AGBL4: variants seen among roughly 807,000 people sequenced by gnomAD.
AGBL4 encodes AGBL carboxypeptidase 4.
Under a neutral mutation model 66.4 loss-of-function variants are expected in AGBL4, and 58 were observed. The observed-to-expected ratio is 0.87, with a 90% CI of 0.71 to 1.09. The LOEUF (loss-of-function observed/expected upper bound fraction) is 1.09, where lower values mean the gene tolerates loss of function less well. AGBL4 is among the 50% of genes least tolerant of loss of function. The pLI, the probability that AGBL4 is intolerant of heterozygous loss-of-function variation, is 0.00. For missense variants in AGBL4, 579 were observed against 631.0 expected (o/e 0.92, Z 0.88); for synonymous variants, 234 against 222.9 (o/e 1.05, Z -0.44).
At chr1:48,776,672 G>A (rs1645106620) in intron 6 of AGBL4, 12 of 1,500,092 alleles carry the variant, frequency 8.0e-6, no homozygotes, top group Admixed American at 4.7e-5. Flanking sequence ...GCGCGCGGGG[G>A]GCTCTCGGGC....
intron 4 of AGBL4, among the ~76,000 whole-genome samples, chr1:49,215,079 A>G (rs932368583): frequency 6.6e-6 from 1 of 152,104 alleles, no homozygotes; most frequent in South Asian, 2.1e-4. Flanking sequence ...TTCTACTTAT[A>G]TGTAGATTCA....
intron 3 of AGBL4, among the ~76,000 whole-genome samples, chr1:49,301,488 A>C (rs960322503): frequency 3.3e-5 from 5 of 152,218 alleles, no homozygotes; most frequent in African/African-American, 1.2e-4. Flanking sequence ...CCCTTCCCAA[A>C]GCTAACTCCC....
intron 6 of AGBL4, among the ~76,000 whole-genome samples, chr1:48,863,482 T>C (rs1647683466): frequency 6.6e-6 from 1 of 152,052 alleles, no homozygotes; most frequent in Non-Finnish European, 1.5e-5. Context: ...TTTTAAAAAT[T>C]TAATTGTTGC....
At chr1:49,012,568 T>C (rs989329959) in intron 5 of AGBL4, among the ~76,000 whole-genome samples, 3 of 150,870 alleles carry the variant, frequency 2.0e-5, no homozygotes, top group African/African-American at 7.3e-5. Flanking sequence ...AATAGGCCTA[T>C]TCCCAGAGAA....
intron 3 of AGBL4, among the ~76,000 whole-genome samples, chr1:49,629,944 C>G (rs1461764826): frequency 6.6e-6 from 1 of 152,132 alleles, no homozygotes. Context: ...AATCAGCACC[C>G]TTATTTGCAT....
intron 3 of AGBL4, among the ~76,000 whole-genome samples, chr1:49,404,776 A>G (rs1435331022): frequency 1.3e-5 from 2 of 152,226 alleles, no homozygotes; most frequent in African/African-American, 4.8e-5. Flanking sequence ...ATAACAAATA[A>G]AACAAATCTA....
At chr1:49,408,968 G>C (rs1411118480) in intron 3 of AGBL4, among the ~76,000 whole-genome samples, 2 of 152,294 alleles carry the variant, frequency 1.3e-5, no homozygotes, top group East Asian at 3.9e-4. Context: ...GAGGAGGTGA[G>C]AGCAGAGATG....
intron 3 of AGBL4, among the ~76,000 whole-genome samples, chr1:49,421,282 C>A (rs905547210): frequency 6.6e-6 from 1 of 151,982 alleles, no homozygotes; most frequent in African/African-American, 2.4e-5. Flanking sequence ...TCAAGCCAAG[C>A]ACACAGTAGT....
intron 5 of AGBL4, among the ~76,000 whole-genome samples, chr1:48,921,790 C>G (rs1654104420): frequency 6.6e-6 from 1 of 152,196 alleles, no homozygotes; most frequent in Non-Finnish European, 1.5e-5. Context: ...GATTCAAACT[C>G]AGATCCGTCT....
At chr1:48,764,218 G>C (rs893750647) in intron 6 of AGBL4, among the ~76,000 whole-genome samples, 9 of 152,240 alleles carry the variant, frequency 5.9e-5, no homozygotes, top group Non-Finnish European at 2.9e-5. Context: ...CTTTTGAAAG[G>C]AGGTGGCATT....
At chr1:49,826,234 A>C (rs1645507293) in intron 2 of AGBL4, among the ~76,000 whole-genome samples, 1 of 152,202 alleles carries the variant, frequency 6.6e-6, no homozygotes, top group South Asian at 2.1e-4. Context: ...TTTTTAAAAA[A>C]AACAAGCAAA....
At chr1:48,648,697 C>G (rs1645878601) in intron 8 of AGBL4, among the ~76,000 whole-genome samples, 1 of 152,220 alleles carries the variant, frequency 6.6e-6, no homozygotes, top group Non-Finnish European at 1.5e-5. Flanking sequence ...ACAGTAAAAA[C>G]TGGCTTTCCT....
At chr1:49,879,419 A>G (rs61785469) in intron 1 of AGBL4, among the ~76,000 whole-genome samples, 25,139 of 146,168 alleles carry the variant, frequency 0.17, 1,697 homozygotes, top group East Asian at 0.35. Context: ...TTCACTTATG[A>G]AGCTTAGTTT....
intron 1 of AGBL4, among the ~76,000 whole-genome samples, chr1:49,968,797 G>A (rs902959888): frequency 1.3e-5 from 2 of 152,150 alleles, no homozygotes; most frequent in African/African-American, 4.8e-5. Flanking sequence ...AGCCATCTTC[G>A]ATGGCATGAA....
chr1:49,741,574 A>G (rs955035283), intron 2 of AGBL4, among the ~76,000 whole-genome samples: 2 of 152,182 alleles, frequency 1.3e-5, no homozygotes, highest in Non-Finnish European at 2.9e-5. Context: ...TCCTGATACC[A>G]AAGCCTGGCT....
At chr1:49,522,230 G>A (rs1650321401) in intron 3 of AGBL4, among the ~76,000 whole-genome samples, 1 of 151,842 alleles carries the variant, frequency 6.6e-6, no homozygotes, top group African/African-American at 2.4e-5. Flanking sequence ...TTTACTATCT[G>A]TATGACCTTA....
rs576704527 is a variant in AGBL4 at position 49,493,680 on chromosome 1, C to T, written c.282+203633G>A. 7.2e-5 allele frequency among the ~76,000 whole-genome samples: 11 copies of T among 152,060 alleles called. 1 individual carries two copies. The South Asian group carries it at 2.3e-3, about 32-fold the overall frequency. On this transcript the variant is annotated intron_variant, in intron 3 of 13. Coordinates refer to ENST00000371839, the MANE Select transcript of AGBL4 (RefSeq NM_032785.4). Reference sequence around the variant, plus strand: ...AGGAAACTGAAATGTGGGCTGGGGTCCCTTCTCATAAGAACTTGTAGTCAA... The same window carrying T: ...AGGAAACTGAAATGTGGGCTGGGGTTCCTTCTCATAAGAACTTGTAGTCAA...
chr1:49,542,026 G>T (rs1217318470), intron 3 of AGBL4, among the ~76,000 whole-genome samples: 2 of 152,044 alleles, frequency 1.3e-5, no homozygotes, highest in African/African-American at 4.8e-5. Flanking sequence ...CTAGCTCAAG[G>T]TTTGTAAATG....
intron 4 of AGBL4, among the ~76,000 whole-genome samples, chr1:49,166,198 T>C (rs1283842888): frequency 6.6e-6 from 1 of 152,168 alleles, no homozygotes; most frequent in Non-Finnish European, 1.5e-5. Flanking sequence ...ACTTGGAGCA[T>C]CGGGGTCTTT....
Sources: allele counts gnomAD v4.1 joint callset (sites outside exome capture counted in the v4.1 genomes callset), GRCh38; gene constraint gnomAD v4.1.1; transcripts MANE v1.5; gene names NCBI Gene and HGNC (gene_info 2026-07-23, HGNC 2026-07-21).